TUSC3: variants seen among roughly 807,000 people sequenced by gnomAD.
TUSC3 encodes the protein tumor suppressor candidate 3, also known as dolichyl-diphosphooligosaccharide--protein glycosyltransferase subunit TUSC3.
TUSC3 carries 45 observed loss-of-function variants against 44.8 expected under a neutral mutation model. The ratio of observed to expected loss-of-function variants is 1.00; its 90% confidence interval spans 0.79 to 1.29. TUSC3 has a LOEUF of 1.29. Among genes scored for constraint, TUSC3 ranks in the 50% most tolerant of loss-of-function variants. TUSC3 has a pLI of 0.00. For synonymous variants in TUSC3, 212 were observed against 152.9 expected (o/e 1.39, Z -2.85); for missense variants, 519 against 437.9 (o/e 1.19, Z -1.65).
chr8:15,610,186 G>C (rs1471506093), intron 1 of TUSC3, among the ~76,000 whole-genome samples: 1 of 151,970 alleles, frequency 6.6e-6, no homozygotes, highest in Non-Finnish European at 1.5e-5. Flanking sequence ...TTAGGCACTG[G>C]ATTTATTTCA....
At chr8:15,468,805 T>C (rs1800447582) in intron 1 of TUSC3, among the ~76,000 whole-genome samples, 1 of 152,090 alleles carries the variant, frequency 6.6e-6, no homozygotes, top group Non-Finnish European at 1.5e-5. Flanking sequence ...GTCTTGAATA[T>C]ATAAATTAAG....
At chr8:15,483,724 C>G (rs898129125) in intron 2 of TUSC3, among the ~76,000 whole-genome samples, 28 of 137,632 alleles carry the variant, frequency 2.0e-4, no homozygotes, top group African/African-American at 7.4e-4. Context: ...GGTGCCATCT[C>G]GGCTCACTGC....
At chr8:15,510,146 C>G (rs758447645) in intron 2 of TUSC3, among the ~76,000 whole-genome samples, 7 of 151,952 alleles carry the variant, frequency 4.6e-5, no homozygotes, top group South Asian at 4.1e-4. Context: ...GAAGAAAGAT[C>G]TAAAATCAGT....
rs1807327330 is a variant in TUSC3, at chr8:15,659,528, A to G, written c.448A>G (p.Thr150Ala). The change falls in exon 4 of 11, where the codon ACA (threonine) becomes GCA (alanine). Residue 150 changes from threonine to alanine, a missense_variant. By Grantham distance (58) the Thr-to-Ala change is moderately conservative. Transcript: ENST00000503731. ...ACAGCTCAACATGAACTCTGCTCCT[A>G]CATTCATGCATTTTCCTCCAAAAGG... The part of the protein sequence containing the change: ...FQQLNMNSAP[T>A]FMHFPPKGRP... The G allele has an allele frequency of 3.7e-6, 6 of 1,612,996 alleles. No homozygotes were observed. The highest frequency in any genetic ancestry group is 5.1e-6 in the Non-Finnish European group (6 of 1,179,598).
intron 8 of TUSC3, among the ~76,000 whole-genome samples, chr8:15,744,550 G>A (rs1811323771): frequency 6.6e-6 from 1 of 152,028 alleles, no homozygotes; most frequent in African/African-American, 2.4e-5. Context: ...GACTTCATGG[G>A]TTTTTAGCTA....
chr8:15,659,735 A>T, intron 4 of TUSC3, 88 bp downstream of exon 4: 1 of 1,542,244 alleles, frequency 6.5e-7, no homozygotes, highest in Non-Finnish European at 8.9e-7. Context: ...AATACTTTTT[A>T]ATTTCTCTAT....
intron 2 of TUSC3, among the ~76,000 whole-genome samples, chr8:15,501,302 T>C (rs1585067466): frequency 6.6e-6 from 1 of 152,186 alleles, no homozygotes; most frequent in African/African-American, 2.4e-5. Flanking sequence ...ATAAAATGCA[T>C]CCCTTTTCCA....
intron 2 of TUSC3, among the ~76,000 whole-genome samples, chr8:15,494,934 C>A (rs1302584859): frequency 2.2e-5 from 2 of 91,844 alleles, no homozygotes. Context: ...TTAAACTTTT[C>A]TCTTAATAGC....
chr8:15,579,062 G>C (rs1055717573), intron 1 of TUSC3, among the ~76,000 whole-genome samples: 4 of 151,936 alleles, frequency 2.6e-5, no homozygotes, highest in African/African-American at 9.7e-5. Context: ...TATGTGTTGA[G>C]GAATTTATCC....
intron 6 of TUSC3, among the ~76,000 whole-genome samples, chr8:15,720,171 T>C (rs1278103667): frequency 6.7e-6 from 1 of 149,260 alleles, no homozygotes; most frequent in African/African-American, 2.5e-5. Context: ...AGAAGTGATA[T>C]ATCATTGTTA....
intron 6 of TUSC3, among the ~76,000 whole-genome samples, chr8:15,720,452 A>G (rs925347161): frequency 1.3e-5 from 2 of 152,074 alleles, no homozygotes; most frequent in Admixed American, 1.3e-4. Flanking sequence ...ACTGTCAACC[A>G]TGTTATATAG....
chr8:15,780,029 C>T, the TUSC3 span, among the ~76,000 whole-genome samples: 1 of 152,100 alleles, frequency 6.6e-6, no homozygotes, highest in Non-Finnish European at 1.5e-5. Context: ...ATCCTCTTGC[C>T]TTACACCAAA....
At chr8:15,681,143 T>G (rs1373644908) in intron 6 of TUSC3, among the ~76,000 whole-genome samples, 1 of 148,774 alleles carries the variant, frequency 6.7e-6, no homozygotes, top group Non-Finnish European at 1.5e-5. Context: ...TTTTTTTTTT[T>G]GGAATAGTTT....
Position 15,540,315 on chromosome 8 carries a change from G to A in TUSC3, c.-116G>A. ...GGCCCGGGTCCCTCGCAAAGCCGCT[G>A]CCATCCCGGAGGGCCCAGCCAGCGG... is the stretch of plus-strand genomic sequence containing the variant. On this transcript the variant is annotated 5_prime_UTR_variant, in exon 1 of 11. Transcript: ENST00000503731. 1.5e-6 allele frequency: 2 copies of A among 1,335,852 alleles called. No homozygotes were observed. Among genetic ancestry groups the A allele is most frequent in the East Asian group, 3.1e-5 (1 of 32,684 alleles). The allele number at this position is 1,335,852 out of a possible 1,614,324, so 82.7% of individuals were successfully genotyped here.
intron 6 of TUSC3, among the ~76,000 whole-genome samples, chr8:15,685,144 G>T (rs1585227594): frequency 1.3e-5 from 2 of 152,190 alleles, no homozygotes; most frequent in Admixed American, 6.5e-5. Context: ...AGTTTGAGCT[G>T]TGCTTCTGCC....
At chr8:15,522,956 T>C (rs76934916) in intron 2 of TUSC3, among the ~76,000 whole-genome samples, 60 of 152,148 alleles carry the variant, frequency 3.9e-4, no homozygotes, top group African/African-American at 1.3e-3. Flanking sequence ...AAGGGAGAAA[T>C]TGAAAACCAA....
chr8:15,556,874 GT>G (rs1161271985), intron 1 of TUSC3, among the ~76,000 whole-genome samples: 38 of 142,732 alleles, frequency 2.7e-4, no homozygotes, highest in African/African-American at 8.7e-4. Flanking sequence ...TTGTAAATTT[GT>G]TTGAGTTCAT....
chr8:15,440,779 G>C (rs1800011024), intron 1 of TUSC3, among the ~76,000 whole-genome samples: 1 of 152,126 alleles, frequency 6.6e-6, no homozygotes, highest in Admixed American at 6.6e-5. Context: ...TCCAAAGATT[G>C]TTCAGGAACT....
intron 1 of TUSC3, among the ~76,000 whole-genome samples, chr8:15,480,814 A>G (rs1800648266): frequency 6.6e-6 from 1 of 152,200 alleles, no homozygotes; most frequent in African/African-American, 2.4e-5. Flanking sequence ...CTATCTCCAA[A>G]TATAATTACA....
Sources: allele counts gnomAD v4.1 joint callset (sites outside exome capture counted in the v4.1 genomes callset), GRCh38; gene constraint gnomAD v4.1.1; transcripts MANE v1.5; gene names NCBI Gene and HGNC (gene_info 2026-07-23, HGNC 2026-07-21).